CADM2: variants seen among roughly 807,000 people sequenced by gnomAD.
The protein encoded by CADM2 is immunoglobulin superfamily member 4D.
CADM2 carries 12 observed loss-of-function variants against 49.8 expected under a neutral mutation model. The observed-to-expected ratio is 0.24, with a 90% CI of 0.15 to 0.39. CADM2 has a LOEUF of 0.39. Among genes scored for constraint, CADM2 ranks in the 10% least tolerant of loss-of-function variants. CADM2 has a pLI of 1.00. For synonymous variants in CADM2, 214 were observed against 175.4 expected (o/e 1.22, Z -1.74); for missense variants, 378 against 492.3 (o/e 0.77, Z 2.20).
intron 1 of CADM2, among the ~76,000 whole-genome samples, chr3:85,413,567 A>AGAAGGG (rs1030835478): frequency 6.6e-6 from 1 of 152,180 alleles, no homozygotes; most frequent in Non-Finnish European, 1.5e-5. Context: ...CAATCATGGC[A>AGAAGGG]GAAGGGGAAG....
chr3:85,371,053 A>T (rs193191982), intron 1 of CADM2, among the ~76,000 whole-genome samples: 2 of 152,324 alleles, frequency 1.3e-5, no homozygotes, highest in Non-Finnish European at 2.9e-5. Context: ...TATAAGTAAA[A>T]TGGTAGAAAA....
chr3:84,984,595 T>C (rs2032435237), intron 1 of CADM2, among the ~76,000 whole-genome samples: 1 of 149,174 alleles, frequency 6.7e-6, no homozygotes, highest in African/African-American at 2.5e-5. Context: ...TTATATTCCT[T>C]AAAAAAAGAA....
intron 8 of CADM2, among the ~76,000 whole-genome samples, chr3:86,020,210 T>G (rs1168989362): frequency 6.6e-6 from 1 of 151,856 alleles, no homozygotes; most frequent in Non-Finnish European, 1.5e-5. Context: ...TACAAACACC[T>G]CTAGGCAAAT....
chr3:85,191,287 G>C, intron 1 of CADM2, among the ~76,000 whole-genome samples: 1 of 151,216 alleles, frequency 6.6e-6, no homozygotes, highest in East Asian at 1.9e-4. Flanking sequence ...ACTTATTTTT[G>C]AGTCATCAAC....
intron 1 of CADM2, among the ~76,000 whole-genome samples, chr3:85,685,492 A>G (rs535050401): frequency 6.6e-6 from 1 of 152,264 alleles, no homozygotes; most frequent in African/African-American, 2.4e-5. Flanking sequence ...GAAATCTTTG[A>G]ACTTTCCTCT....
intron 1 of CADM2, among the ~76,000 whole-genome samples, chr3:85,229,398 C>G (rs2042233921): frequency 6.6e-6 from 1 of 152,116 alleles, no homozygotes; most frequent in Admixed American, 6.6e-5. Flanking sequence ...ATCTCCCGAC[C>G]CCTTGTGCTT....
At chr3:85,321,887 T>C (rs1303403116) in intron 1 of CADM2, among the ~76,000 whole-genome samples, 4 of 152,248 alleles carry the variant, frequency 2.6e-5, no homozygotes, top group Non-Finnish European at 5.9e-5. Context: ...TATATTTTTA[T>C]GTTTATAGTA....
chr3:85,628,484 C>T (rs1028455200), intron 1 of CADM2, among the ~76,000 whole-genome samples: 1 of 149,820 alleles, frequency 6.7e-6, no homozygotes, highest in Non-Finnish European at 1.5e-5. Flanking sequence ...TTTATAGTCT[C>T]TCATTTTCTC....
At chr3:85,026,481 A>G (rs757536036) in intron 1 of CADM2, among the ~76,000 whole-genome samples, 1 of 152,190 alleles carries the variant, frequency 6.6e-6, no homozygotes, top group Non-Finnish European at 1.5e-5. Context: ...TTTATTTGCT[A>G]TTAAACTTGA....
chr3:85,115,727 T>A (rs1193961217), intron 1 of CADM2, among the ~76,000 whole-genome samples: 1 of 152,208 alleles, frequency 6.6e-6, no homozygotes, highest in Non-Finnish European at 1.5e-5. Flanking sequence ...GTAGATTTTC[T>A]GTGCCTGACA....
chr3:85,985,496 C>T (rs1055471791), intron 8 of CADM2, among the ~76,000 whole-genome samples: 8 of 151,772 alleles, frequency 5.3e-5, no homozygotes, highest in African/African-American at 1.7e-4. Context: ...AAAAAGGTAA[C>T]GTTAACTAAA....
chr3:85,378,834 C>T (rs1345625503), intron 1 of CADM2, among the ~76,000 whole-genome samples: 1 of 151,748 alleles, frequency 6.6e-6, no homozygotes, highest in Non-Finnish European at 1.5e-5. Context: ...AAAAACTTAT[C>T]TATGAAATGA....
chr3:86,037,395 A>G (rs2107202809), intron 8 of CADM2, among the ~76,000 whole-genome samples: 1 of 152,298 alleles, frequency 6.6e-6, no homozygotes, highest in Admixed American at 6.5e-5. Flanking sequence ...GTTTATCCAC[A>G]TGTGCCGTTT....
chr3:85,326,024 A>C (rs182622216), intron 1 of CADM2, among the ~76,000 whole-genome samples: 56 of 152,336 alleles, frequency 3.7e-4, no homozygotes, highest in Non-Finnish European at 7.1e-4. Flanking sequence ...AATGTTTATT[A>C]TGGAATCAAC....
At chr3:85,158,838 T>C (rs1180134938) in intron 1 of CADM2, among the ~76,000 whole-genome samples, 1 of 151,886 alleles carries the variant, frequency 6.6e-6, no homozygotes, top group Admixed American at 6.6e-5. Flanking sequence ...ACTTAAAGTA[T>C]AATGATAATA....
chr3:85,355,793 G>C (rs1174296588), intron 1 of CADM2, among the ~76,000 whole-genome samples: 1 of 152,040 alleles, frequency 6.6e-6, no homozygotes, highest in African/African-American at 2.4e-5. Flanking sequence ...AGAACAGAAG[G>C]GTCTGTTGTG....
chr3:85,290,601 C>T (rs182235435), intron 1 of CADM2, among the ~76,000 whole-genome samples: 2 of 152,322 alleles, frequency 1.3e-5, no homozygotes, highest in Non-Finnish European at 2.9e-5. Context: ...TGAGAAGGGG[C>T]AGACTGCCTC....
At chr3:85,932,764 A>T (rs1013057210) in intron 6 of CADM2, among the ~76,000 whole-genome samples, 1 of 152,168 alleles carries the variant, frequency 6.6e-6, no homozygotes, top group African/African-American at 2.4e-5. Context: ...TTATATGGAA[A>T]GATAGGTCTT....
At chr3:84,997,953 T>C (rs2033263394) in intron 1 of CADM2, among the ~76,000 whole-genome samples, 1 of 152,138 alleles carries the variant, frequency 6.6e-6, no homozygotes, top group Non-Finnish European at 1.5e-5. Flanking sequence ...TATTTGACTG[T>C]AGGAGTTAGT....
Sources: gnomAD v4.1 joint callset for allele counts (sites outside exome capture counted in the v4.1 genomes callset) on GRCh38, gnomAD v4.1.1 for gene constraint, MANE v1.5 for transcripts, NCBI Gene and HGNC (gene_info 2026-07-23, HGNC 2026-07-21) for gene names.